Variants in SLC24A2 observed in about 807,000 individuals in gnomAD.
SLC24A2 encodes sodium/potassium/calcium exchanger 2.
SLC24A2 carries 36 observed loss-of-function variants against 62.0 expected under a neutral mutation model. The observed-to-expected ratio is 0.58, with a 90% CI of 0.44 to 0.77. SLC24A2 has a LOEUF of 0.77. Ranked by LOEUF, SLC24A2 falls within the 30% of genes least tolerant of loss-of-function variation. SLC24A2 has a pLI of 0.00. For missense variants in SLC24A2, 846 were observed against 817.9 expected, an observed-to-expected ratio of 1.03 and a Z score of -0.42; for synonymous variants, 358 against 294.0, an observed-to-expected ratio of 1.22 and a Z score of -2.23.
At chr9:19,970,868 G>A in the SLC24A2 span, among the ~76,000 whole-genome samples, 3 of 152,252 alleles carry the variant, frequency 2.0e-5, no homozygotes, top group South Asian at 6.2e-4. Context: ...TTGGAAGTAT[G>A]AATCAACAAG....
the SLC24A2 span, among the ~76,000 whole-genome samples, chr9:20,271,512 A>G: frequency 1.3e-5 from 2 of 152,318 alleles, no homozygotes; most frequent in East Asian, 3.9e-4. Context: ...CTGAGAAATC[A>G]CTTTACAAAT....
chr9:19,829,797 GTATATA>G, the SLC24A2 span, among the ~76,000 whole-genome samples: 32 of 87,552 alleles, frequency 3.7e-4, no homozygotes, highest in Non-Finnish European at 6.4e-4. Context: ...GTGTGTGTGT[GTATATA>G]TATATATACA....
At chr9:20,191,867 C>T in the SLC24A2 span, among the ~76,000 whole-genome samples, 3 of 152,030 alleles carry the variant, frequency 2.0e-5, no homozygotes, top group Non-Finnish European at 4.4e-5. Context: ...GGCAGCATGT[C>T]TTATTTTAGG....
the SLC24A2 span, among the ~76,000 whole-genome samples, chr9:19,979,456 A>G: frequency 7.9e-5 from 12 of 152,288 alleles, no homozygotes; most frequent in African/African-American, 2.6e-4. Context: ...GCACAAAGTC[A>G]TTTGTTCATT....
chr9:19,578,180 C>G (rs1304334827), intron 5 of SLC24A2, among the ~76,000 whole-genome samples: 4 of 151,826 alleles, frequency 2.6e-5, no homozygotes, highest in African/African-American at 9.7e-5. Flanking sequence ...CAAATCACCA[C>G]TAAAGAAATT....
the SLC24A2 span, among the ~76,000 whole-genome samples, chr9:19,850,986 T>TATAC: frequency 2.8e-4 from 9 of 32,082 alleles, no homozygotes; most frequent in African/African-American, 9.4e-4. Context: ...TATATATATG[T>TATAC]ATATATATAT....
At chr9:19,531,129 C>T (rs1017969629) in intron 8 of SLC24A2, among the ~76,000 whole-genome samples, 1 of 152,202 alleles carries the variant, frequency 6.6e-6, no homozygotes, top group African/African-American at 2.4e-5. Flanking sequence ...CCATGTTGTT[C>T]CTGCTTTGGA....
chr9:20,175,930 C>G, the SLC24A2 span, among the ~76,000 whole-genome samples: 1 of 151,854 alleles, frequency 6.6e-6, no homozygotes, highest in Non-Finnish European at 1.5e-5. Context: ...ATACTAAGGT[C>G]TGAAAAAGCC....
At chr9:20,282,539 A>C in the SLC24A2 span, among the ~76,000 whole-genome samples, 2 of 152,336 alleles carry the variant, frequency 1.3e-5, no homozygotes, top group East Asian at 3.9e-4. Flanking sequence ...TCTATCAGTG[A>C]TAGAAATGCA....
At chr9:20,240,884 G>A in the SLC24A2 span, among the ~76,000 whole-genome samples, 1 of 152,136 alleles carries the variant, frequency 6.6e-6, no homozygotes, top group South Asian at 2.1e-4. Context: ...CTCATAACCA[G>A]TTACAGAGTC....
the SLC24A2 span, among the ~76,000 whole-genome samples, chr9:19,977,306 C>T: frequency 6.6e-6 from 1 of 152,086 alleles, no homozygotes; most frequent in African/African-American, 2.4e-5. Flanking sequence ...AATGCACAGA[C>T]ATTTCAATGA....
At chr9:19,993,361 T>C in the SLC24A2 span, among the ~76,000 whole-genome samples, 6 of 152,338 alleles carry the variant, frequency 3.9e-5, no homozygotes, top group African/African-American at 1.4e-4. Flanking sequence ...GAATAGAATA[T>C]ATAAACTCAC....
chr9:20,138,823 C>T, the SLC24A2 span, among the ~76,000 whole-genome samples: 4 of 152,212 alleles, frequency 2.6e-5, no homozygotes, highest in Non-Finnish European at 5.9e-5. Flanking sequence ...GAAGAATCCT[C>T]CCCAGTAGAT....
At chr9:20,257,417 C>T in the SLC24A2 span, among the ~76,000 whole-genome samples, 1 of 151,836 alleles carries the variant, frequency 6.6e-6, no homozygotes, top group Non-Finnish European at 1.5e-5. Context: ...CTATAGTTGA[C>T]TTAATTCTGT....
the SLC24A2 span, among the ~76,000 whole-genome samples, chr9:19,902,388 T>C: frequency 7.2e-5 from 11 of 152,180 alleles, no homozygotes; most frequent in African/African-American, 2.7e-4. Flanking sequence ...AGAAAAGCCT[T>C]ATGCCTACAC....
intron 2 of SLC24A2, among the ~76,000 whole-genome samples, chr9:19,659,844 A>G (rs1026178903): frequency 6.6e-6 from 1 of 152,178 alleles, no homozygotes; most frequent in African/African-American, 2.4e-5. Context: ...GATTTTAAAC[A>G]TGCTTGAGAG....
chr9:19,523,448 C>G (rs768248461), intron 9 of SLC24A2, among the ~76,000 whole-genome samples: 1 of 152,060 alleles, frequency 6.6e-6, no homozygotes, highest in Non-Finnish European at 1.5e-5. Context: ...AAATAAAAAT[C>G]TAGTTTTTTT....
chr9:20,255,410 C>T, the SLC24A2 span, among the ~76,000 whole-genome samples: 16 of 152,172 alleles, frequency 1.1e-4, no homozygotes, highest in African/African-American at 3.1e-4. Context: ...CCCAAGTTAG[C>T]GGCTTAAAAC....
chr9:20,020,108 C>T, the SLC24A2 span, among the ~76,000 whole-genome samples: 11 of 152,324 alleles, frequency 7.2e-5, no homozygotes, highest in Non-Finnish European at 7.4e-5. Flanking sequence ...TAGGAACGCT[C>T]TTACACTGTT....
Sources: gnomAD v4.1 joint callset for allele counts (sites outside exome capture counted in the v4.1 genomes callset) on GRCh38, gnomAD v4.1.1 for gene constraint, MANE v1.5 for transcripts, NCBI Gene and HGNC (gene_info 2026-07-23, HGNC 2026-07-21) for gene names.